The following RTN4IP1 variants were observed in gnomAD, a reference collection of about 807,000 sequenced individuals.
RTN4IP1 encodes reticulon 4 interacting protein 1.
Under a neutral mutation model 46.6 loss-of-function variants are expected in RTN4IP1, and 32 were observed. That is an observed-to-expected ratio of 0.69 (90% confidence interval 0.52 to 0.92). The LOEUF is 0.92. Ranked by LOEUF, RTN4IP1 falls within the 40% of genes least tolerant of loss-of-function variation. The pLI is 0.00. For missense variants in RTN4IP1, 424 were observed against 485.8 expected (o/e 0.87, Z 1.20); for synonymous variants, 167 against 161.8 (o/e 1.03, Z -0.24).
intron 1 of RTN4IP1, among the ~76,000 whole-genome samples, chr6:106,624,946 AAAAAAG>A (rs200539847): frequency 0.069 from 9,201 of 132,504 alleles, 371 homozygotes; most frequent in East Asian, 0.24. Flanking sequence ...AAAAAAAAAA[AAAAAAG>A]AAAAAGAAAA....
At chr6:106,607,330 G>T (rs1776105682) in intron 4 of RTN4IP1, among the ~76,000 whole-genome samples, 1 of 151,912 alleles carries the variant, frequency 6.6e-6, no homozygotes, top group South Asian at 2.1e-4. Context: ...GGGCAAAAAT[G>T]ATATAGGTAA....
intron 8 of RTN4IP1, among the ~76,000 whole-genome samples, chr6:106,575,651 C>T (rs67671335): frequency 0.14 from 21,534 of 152,226 alleles, 1,751 homozygotes; most frequent in African/African-American, 0.21. Context: ...GGTTTTCCCT[C>T]AATTCCCGTT....
intron 8 of RTN4IP1, among the ~76,000 whole-genome samples, chr6:106,578,249 G>GT (rs1183821511): frequency 1.3e-5 from 2 of 152,158 alleles, no homozygotes; most frequent in African/African-American, 4.8e-5. Context: ...AGGAACTGTC[G>GT]TAAGGGTCAA....
upstream of RTN4IP1, chr6:106,629,718 G>T (rs1358212042): frequency 6.2e-7 from 1 of 1,601,376 alleles, no homozygotes; most frequent in Non-Finnish European, 8.5e-7. Flanking sequence ...GAGTGGAATT[G>T]GCCCGCTGAG....
chr6:106,624,860 C>T (rs1400423620), intron 1 of RTN4IP1, among the ~76,000 whole-genome samples: 3 of 146,778 alleles, frequency 2.0e-5, no homozygotes, highest in Non-Finnish European at 4.5e-5. Flanking sequence ...TGCTTGAGCC[C>T]AGGAGTTTGA....
intron 7 of RTN4IP1, among the ~76,000 whole-genome samples, chr6:106,584,160 A>G (rs1775430530): frequency 6.6e-6 from 1 of 152,142 alleles, no homozygotes; most frequent in Non-Finnish European, 1.5e-5. Context: ...GTTGGTTTTG[A>G]ACTCCTGGTC....
intron 6 of RTN4IP1, among the ~76,000 whole-genome samples, chr6:106,590,410 A>G (rs562793379): frequency 3.3e-5 from 5 of 151,944 alleles, no homozygotes; most frequent in Non-Finnish European, 7.4e-5. Context: ...TGCTATTCCT[A>G]GAAGCATCAG....
At chr6:106,621,547 GAAGCT>G in intron 2 of RTN4IP1, 54 bp from the exon 3 acceptor site, 1 of 1,506,958 alleles carries the variant, frequency 6.6e-7, no homozygotes, top group Non-Finnish European at 9.2e-7. Flanking sequence ...TTTTTTGACC[GAAGCT>G]AAGCAAGAAA....
chr6:106,621,578 T>C (rs191183849), intron 2 of RTN4IP1, 85 bp from the exon 3 acceptor site: 90 of 1,062,414 alleles, frequency 8.5e-5, no homozygotes, highest in Non-Finnish European at 1.1e-4. Flanking sequence ...CCCTAATATA[T>C]ACCCTGTGCT....
At chr6:106,589,193 AGGAGGAGGGAGGGGGAGGAGGG>A (rs1775570178) in intron 6 of RTN4IP1, among the ~76,000 whole-genome samples, 4 of 2,760 alleles carry the variant, frequency 1.4e-3, no homozygotes, top group Non-Finnish European at 1.5e-3. Context: ...AGGAGGGAGG[AGGAGGAGGGAGGGGGAGGAGGG>A]AGGAGGAGGG....
At chr6:106,585,992 T>A (rs537845280) in intron 7 of RTN4IP1, among the ~76,000 whole-genome samples, 1 of 152,318 alleles carries the variant, frequency 6.6e-6, no homozygotes, top group Admixed American at 6.5e-5. Flanking sequence ...AAGTACCCTG[T>A]GGACACTGTT....
intron 4 of RTN4IP1, among the ~76,000 whole-genome samples, chr6:106,610,250 G>C (rs1276378590): frequency 1.3e-5 from 2 of 152,030 alleles, no homozygotes; most frequent in African/African-American, 2.4e-5. Flanking sequence ...ATTTAGTAGA[G>C]ATGGGGTTTC....
At position 106,590,714 on chromosome 6, in the gene RTN4IP1, C is replaced by CA. The variant is rs35293436; in HGVS notation, c.806+1449dup. Among the ~76,000 whole-genome samples, 168 of 68,530 alleles carry CA rather than the reference C, an allele frequency of 2.5e-3. 6 individuals are homozygous for CA. The highest frequency in any genetic ancestry group is 6.9e-3 in the African/African-American group (118 of 17,180). The allele number at this position is 68,530 out of a possible 152,430, so 45.0% of individuals were successfully genotyped here. Reference sequence around the variant, plus strand: ...TGGGCGACAGAGTGAGAATCCATCTCAAAAAAAAAAAAAAAAAAAAGATAC... The same window carrying CA: ...TGGGCGACAGAGTGAGAATCCATCTCAAAAAAAAAAAAAAAAAAAAAGATAC... On this transcript the variant is annotated intron_variant, in intron 6 of 8. Transcript: ENST00000369063.
intron 3 of RTN4IP1, among the ~76,000 whole-genome samples, chr6:106,621,008 C>A (rs1206746790): frequency 6.6e-6 from 1 of 152,124 alleles, no homozygotes; most frequent in East Asian, 1.9e-4. Flanking sequence ...CAATGTTAAC[C>A]CCTTTCTCTC....
rs1428690582 is a variant in RTN4IP1 at position 106,571,797 on chromosome 6, A to G, written c.*199T>C. On this transcript the variant is annotated 3_prime_UTR_variant, in exon 9 of 9. Transcript: ENST00000369063. ...CAGCTTGAAAAAACTTCGAATTTCT[A>G]CTGACTACAGACAAATCCAAGTGCT... The G allele has an allele frequency of 3.9e-6, 2 of 507,932 alleles. No individual in the cohort carries two copies. Among genetic ancestry groups the G allele is most frequent in the South Asian group, 2.7e-5 (1 of 36,382 alleles). 31.5% of individuals were successfully genotyped at this position (507,932 alleles called of 1,614,324 possible). A position where few individuals can be genotyped will look rare whatever the true frequency, so the allele number is the denominator to read the frequency against.
chr6:106,574,246 A>AT (rs1554193793), intron 8 of RTN4IP1, among the ~76,000 whole-genome samples: 3 of 151,896 alleles, frequency 2.0e-5, no homozygotes, highest in Non-Finnish European at 4.4e-5. Context: ...GGAGTTTGAG[A>AT]CAGCCTGGCC....
chr6:106,614,800 A>G (rs967235982), intron 4 of RTN4IP1, among the ~76,000 whole-genome samples: 3 of 152,130 alleles, frequency 2.0e-5, no homozygotes, highest in African/African-American at 7.2e-5. Context: ...GGCAGATGCA[A>G]TTGAAAGGCA....
At chr6:106,585,275 A>C (rs1252658011) in intron 7 of RTN4IP1, among the ~76,000 whole-genome samples, 1 of 152,228 alleles carries the variant, frequency 6.6e-6, no homozygotes, top group African/African-American at 2.4e-5. Flanking sequence ...GGAGTTCAAG[A>C]GTAGCTTAGG....
chr6:106,612,846 T>C (rs1450182933), intron 4 of RTN4IP1, among the ~76,000 whole-genome samples: 3 of 152,152 alleles, frequency 2.0e-5, no homozygotes, highest in South Asian at 2.1e-4. Context: ...CCCTAGCCAA[T>C]AGGGGAATGA....
Sources: allele counts gnomAD v4.1 joint callset (sites outside exome capture counted in the v4.1 genomes callset), GRCh38; gene constraint gnomAD v4.1.1; transcripts MANE v1.5; gene names NCBI Gene and HGNC (gene_info 2026-07-23, HGNC 2026-07-21).